NPAT: variants seen among roughly 807,000 people sequenced by gnomAD.
NPAT encodes nuclear protein, coactivator of histone transcription.
Under a neutral mutation model 130.7 loss-of-function variants are expected in NPAT, and 52 were observed. The observed-to-expected ratio is 0.40, with a 90% CI of 0.32 to 0.50. The LOEUF is 0.50. Ranked by LOEUF, NPAT falls within the 20% of genes least tolerant of loss-of-function variation. NPAT has a pLI of 0.68. For missense variants in NPAT, 1,687 were observed against 1,662.6 expected, an observed-to-expected ratio of 1.01 and a Z score of -0.26; for synonymous variants, 580 against 584.8, an observed-to-expected ratio of 0.99 and a Z score of 0.12.
intron 1 of NPAT, among the ~76,000 whole-genome samples, chr11:108,200,699 C>G (rs1243869329): frequency 1.3e-5 from 2 of 152,104 alleles, no homozygotes; most frequent in Admixed American, 6.5e-5. Context: ...CTGCAACAGC[C>G]CTTGTAATAC....
chr11:108,203,714 T>C (rs1356101562), intron 1 of NPAT, among the ~76,000 whole-genome samples: 1 of 152,198 alleles, frequency 6.6e-6, no homozygotes, highest in Non-Finnish European at 1.5e-5. Context: ...AGGGATTATA[T>C]ACTCCCCTAA....
intron 2 of NPAT, among the ~76,000 whole-genome samples, chr11:108,195,338 C>T (rs2078209800): frequency 6.6e-6 from 1 of 152,184 alleles, no homozygotes; most frequent in South Asian, 2.1e-4. Flanking sequence ...TGCTGCTCTG[C>T]ATATTTGTGG....
chr11:108,185,162 A>C, intron 10 of NPAT, 70 bp downstream of exon 10: 1 of 1,063,802 alleles, frequency 9.4e-7, no homozygotes, highest in Non-Finnish European at 1.4e-6. Context: ...TTTGAAATGA[A>C]ACCAAAATTA....
At chr11:108,176,402 T>C in intron 11 of NPAT, 28 bp from the exon 12 acceptor site, 1 of 1,458,704 alleles carries the variant, frequency 6.9e-7, no homozygotes, top group South Asian at 1.1e-5. Flanking sequence ...TGGAAATAAT[T>C]AAATGACCAA....
In NPAT at chr11:108,172,684, T is replaced by A; in HGVS notation, c.2300A>T (p.Asn767Ile). 6.2e-7 allele frequency: 1 copy of A among 1,613,932 alleles called. No homozygotes were observed. The highest frequency in any genetic ancestry group is 1.1e-5 in the South Asian group (1 of 91,082). ...AGAAGACAAGATTATAGTTGGCAGGTTTTCTCCATTAATACTAGAAACAGC... is the reference window on the plus strand; with the variant it reads ...AGAAGACAAGATTATAGTTGGCAGGATTTCTCCATTAATACTAGAAACAGC... ...TSAVSSINGE[N>I]LPTIILSSPT... The change falls in exon 13 of 18, where the codon AAC (asparagine) becomes ATC (isoleucine). Residue 767 changes from asparagine (N) to isoleucine (I), a missense_variant. Physicochemically the swap from Asn to Ile is moderately radical, Grantham distance 149 (BLOSUM62 -3). Coordinates refer to ENST00000278612, the MANE Select transcript of NPAT (RefSeq NM_002519.3).
At chr11:108,211,541 T>C (rs903981628) in intron 1 of NPAT, among the ~76,000 whole-genome samples, 3 of 148,220 alleles carry the variant, frequency 2.0e-5, no homozygotes, top group African/African-American at 7.6e-5. Context: ...AGACCCTGTC[T>C]TCAGGAAAAA....
intron 10 of NPAT, among the ~76,000 whole-genome samples, chr11:108,183,512 G>T (rs1291341727): frequency 6.6e-6 from 1 of 151,988 alleles, no homozygotes; most frequent in South Asian, 2.1e-4. Context: ...CTTCAAAAAG[G>T]GTACTTGGGT....
At chr11:108,213,785 C>T (rs966386830) in intron 1 of NPAT, among the ~76,000 whole-genome samples, 1 of 152,136 alleles carries the variant, frequency 6.6e-6, no homozygotes, top group Non-Finnish European at 1.5e-5. Context: ...AGACGATGTA[C>T]GGGCATGAGG....
chr11:108,173,533 C>T lies in NPAT; in HGVS notation c.1451G>A (p.Gly484Glu), dbSNP rs1179164891. Residue 484 changes from glycine to glutamate, a missense_variant, in exon 13 of 18, where the codon GGG becomes GAG. Physicochemically the swap from Gly to Glu is moderately conservative, Grantham distance 98. Around this residue, in one of 3 missense-constraint regions of NPAT, gnomAD observed 1,379 missense variants for 1,346.6 expected, o/e 1.02. Transcript: ENST00000278612. ...QMSTETEMAI[G>E]IEKNSLSSNV... ...TGAAGACAAAGAGTTCTTTTCAATC[C>T]CTATAGCCATTTCAGTTTCAGTGGA... 1.9e-6 allele frequency: 3 copies of T among 1,613,984 alleles called. No homozygotes were observed. In the African/African-American group the frequency reaches 4.0e-5, roughly 22 times the overall value.
At chr11:108,194,330 GTA>G (rs113646651) in intron 2 of NPAT, among the ~76,000 whole-genome samples, 1 of 151,608 alleles carries the variant, frequency 6.6e-6, no homozygotes. Flanking sequence ...TCATCTAGCT[GTA>G]TATATATATA....
intron 1 of NPAT, among the ~76,000 whole-genome samples, chr11:108,213,808 A>AT (rs1390133545): frequency 6.6e-6 from 1 of 152,360 alleles, no homozygotes; most frequent in East Asian, 1.9e-4. Context: ...AGACACAGAA[A>AT]TTAGTGGAAC....
intron 1 of NPAT, among the ~76,000 whole-genome samples, chr11:108,221,812 G>C (rs927614160): frequency 2.1e-4 from 32 of 152,184 alleles, no homozygotes; most frequent in African/African-American, 7.5e-4. Context: ...CACCCTGACA[G>C]ACAAGTGACC....
At chr11:108,194,633 T>C (rs1187692021) in intron 2 of NPAT, among the ~76,000 whole-genome samples, 2 of 152,194 alleles carry the variant, frequency 1.3e-5, no homozygotes, top group Admixed American at 6.5e-5. Flanking sequence ...GACATCTTCG[T>C]TGTCACCAGT....
In NPAT at chr11:108,172,399, T is replaced by C. The variant is rs776391640; in HGVS notation, c.2585A>G (p.Asn862Ser). The change falls in exon 13 of 18, where the codon AAT (asparagine) becomes AGT (serine). Residue 862 changes from asparagine (N) to serine (S), a missense_variant. Physicochemically the swap from Asn to Ser is conservative, Grantham distance 46. Coordinates refer to ENST00000278612, the MANE Select transcript of NPAT (RefSeq NM_002519.3). ...GGTAGCTATCAGAATGTTATTTGAA[T>C]TGCCAAAAGCTGTGCTTGTGGCTGG... The part of the protein sequence containing the change: ...LMPATSTAFG[N>S]SNNILIATCV... The C allele has an allele frequency of 9.3e-6, 15 of 1,614,126 alleles. No individual in the cohort carries two copies. The highest frequency in any genetic ancestry group is 1.3e-5 in the Non-Finnish European group (15 of 1,180,050).
chr11:108,165,934 AT>A (rs1238786248), intron 15 of NPAT, among the ~76,000 whole-genome samples: 1 of 129,122 alleles, frequency 7.7e-6, no homozygotes, highest in East Asian at 2.3e-4. Context: ...CGCCCAGCCC[AT>A]ACCTGGCTAA....
chr11:108,192,788 T>C (rs2078182999), intron 3 of NPAT, among the ~76,000 whole-genome samples: 1 of 152,130 alleles, frequency 6.6e-6, no homozygotes, highest in African/African-American at 2.4e-5. Flanking sequence ...ACCCTGTCTC[T>C]ACTAAAAACA....
intron 1 of NPAT, chr11:108,208,583 G>C: frequency 3.7e-6 from 1 of 273,856 alleles, no homozygotes; most frequent in South Asian, 2.4e-5. Flanking sequence ...GTGAGACCCT[G>C]TCTTTAAAAA....
At chr11:108,188,582 ACT>A (rs2078131688) in intron 6 of NPAT, among the ~76,000 whole-genome samples, 2 of 152,116 alleles carry the variant, frequency 1.3e-5, no homozygotes, top group South Asian at 2.1e-4. Context: ...TCTAATCCCA[ACT>A]CTGTTATTAA....
At chr11:108,159,557 G>A (rs1397979516) in intron 17 of NPAT, among the ~76,000 whole-genome samples, 2 of 152,108 alleles carry the variant, frequency 1.3e-5, no homozygotes, top group African/African-American at 4.8e-5. Context: ...GGGCAACAAA[G>A]CCTAAATTAT....
Sources: gnomAD v4.1 joint callset for allele counts (sites outside exome capture counted in the v4.1 genomes callset) on GRCh38, gnomAD v4.1.1 for gene constraint, gnomAD v4.1.1 regional missense constraint, MANE v1.5 for transcripts, NCBI Gene and HGNC (gene_info 2026-07-23, HGNC 2026-07-21) for gene names.